The following ARID5B variants were observed in gnomAD, a reference collection of about 807,000 sequenced individuals.
The protein encoded by ARID5B is AT-rich interactive domain-containing protein 5B.
A neutral mutation model predicts 97.2 loss-of-function variants in ARID5B; 13 were observed. That is an observed-to-expected ratio of 0.13 (90% confidence interval 0.09 to 0.21). The LOEUF is 0.21. Among genes scored for constraint, ARID5B ranks in the 10% least tolerant of loss-of-function variants. ARID5B has a pLI of 1.00. For missense variants in ARID5B, 1,210 were observed against 1,465.3 expected, an observed-to-expected ratio of 0.83 and a Z score of 2.84; for synonymous variants, 556 against 570.3, an observed-to-expected ratio of 0.97 and a Z score of 0.36.
intron 8 of ARID5B, among the ~76,000 whole-genome samples, chr10:62,080,849 G>A (rs1840203614): frequency 1.3e-5 from 2 of 151,200 alleles, no homozygotes; most frequent in Non-Finnish European, 2.9e-5. Flanking sequence ...TTGAGACAGA[G>A]TCTCACTCTG....
intron 2 of ARID5B, among the ~76,000 whole-genome samples, chr10:61,936,153 T>C (rs1179629698): frequency 3.3e-5 from 5 of 152,232 alleles, no homozygotes; most frequent in Non-Finnish European, 5.9e-5. Context: ...TCTTGACTTT[T>C]ATTTTTCTGG....
At chr10:62,053,304 C>G (rs561610488) in intron 5 of ARID5B, among the ~76,000 whole-genome samples, 1 of 152,338 alleles carries the variant, frequency 6.6e-6, no homozygotes, top group South Asian at 2.1e-4. Flanking sequence ...CAGCTCCACA[C>G]AGCAAAGCTC....
At position 62,083,852 on chromosome 10, in the gene ARID5B, TG is replaced by T. The variant is rs561457098; in HGVS notation, c.1200-1844del. Among the ~76,000 whole-genome samples, 1,007 of 152,146 alleles carry T rather than the reference TG, an allele frequency of 6.6e-3. 19 individuals carry two copies. The highest frequency in any genetic ancestry group is 0.023 in the African/African-American group (961 of 41,510). On this transcript the variant is annotated intron_variant, in intron 8 of 9. Transcript: ENST00000279873. Reference sequence around the variant, plus strand: ...GCAGAACCAGGCAGAAAAAAGGAATTGGGGGGAATGTTGGGGACTTTACAGA... The same window carrying T: ...GCAGAACCAGGCAGAAAAAAGGAATTGGGGGAATGTTGGGGACTTTACAGA...
rs769457118 is a variant in ARID5B, at chr10:62,094,416, C to A, written c.*1386C>A. On this transcript the variant is annotated 3_prime_UTR_variant, in exon 10 of 10. Transcript: ENST00000279873. ...GGGGATAACTGACATACTGGATTAG[C>A]CTTTTCAAAAGAAAAGTCATCCTAT... The A allele has an allele frequency of 1.3e-5, 3 of 230,374 alleles. No homozygotes were observed. Among genetic ancestry groups the A allele is most frequent in the Admixed American group, 5.7e-5 (1 of 17,666 alleles). 14.3% of individuals were successfully genotyped at this position (230,374 alleles called of 1,614,324 possible). A position where few individuals can be genotyped will look rare whatever the true frequency, so the allele number is the denominator to read the frequency against.
chr10:61,902,942 G>A (rs1176270873), intron 2 of ARID5B, among the ~76,000 whole-genome samples: 1 of 152,096 alleles, frequency 6.6e-6, no homozygotes, highest in African/African-American at 2.4e-5. Flanking sequence ...TGGCAAAGAC[G>A]TGTTGAATAA....
intron 3 of ARID5B, among the ~76,000 whole-genome samples, chr10:61,995,738 C>G (rs748795833): frequency 2.0e-5 from 3 of 152,188 alleles, no homozygotes; most frequent in African/African-American, 4.8e-5. Context: ...TAGCTTCAAC[C>G]TTGGCTTTTC....
chr10:62,013,794 G>GTATATATATATATA (rs60930079), intron 4 of ARID5B, among the ~76,000 whole-genome samples: 55 of 138,950 alleles, frequency 4.0e-4, no homozygotes, highest in African/African-American at 1.2e-3. Context: ...ATTCCATTGG[G>GTATATATATATATA]TATATATATA....
chr10:62,074,101 G>A (rs1840098140), intron 8 of ARID5B, among the ~76,000 whole-genome samples: 1 of 152,158 alleles, frequency 6.6e-6, no homozygotes, highest in Non-Finnish European at 1.5e-5. Flanking sequence ...TCTTTACTCA[G>A]AATGCTAGAT....
At chr10:61,916,166 G>A (rs1308309115) in intron 2 of ARID5B, among the ~76,000 whole-genome samples, 1 of 152,216 alleles carries the variant, frequency 6.6e-6, no homozygotes, top group African/African-American at 2.4e-5. Flanking sequence ...TGATTCTTGT[G>A]CCTCAGCCTG....
chr10:61,916,615 A>G (rs1008896126), intron 2 of ARID5B, among the ~76,000 whole-genome samples: 11 of 152,206 alleles, frequency 7.2e-5, no homozygotes, highest in African/African-American at 2.7e-4. Context: ...CCGGGTTTCC[A>G]AATTCACTCA....
chr10:61,964,140 G>A (rs1390188514), intron 3 of ARID5B, among the ~76,000 whole-genome samples: 1 of 152,072 alleles, frequency 6.6e-6, no homozygotes, highest in African/African-American at 2.4e-5. Flanking sequence ...CAGTCTAAAT[G>A]GACACAAACC....
Position 62,093,264 on chromosome 10 carries a change from G to A in ARID5B, c.*234G>A, listed in dbSNP as rs774730849. 4.0e-6 allele frequency: 2 copies of A among 502,502 alleles called. No homozygotes were observed. The highest frequency in any genetic ancestry group is 6.8e-6 in the Non-Finnish European group (2 of 295,172). 31.1% of individuals were successfully genotyped at this position (502,502 alleles called of 1,614,324 possible). On this transcript the variant is annotated 3_prime_UTR_variant, in exon 10 of 10. Transcript: ENST00000279873. ...ACTCCCTTCCAACACAGATGCCCAG[G>A]CACCTCCAGATCATTCACTTCGCAC... is the stretch of plus-strand genomic sequence containing the variant.
intron 5 of ARID5B, among the ~76,000 whole-genome samples, chr10:62,054,885 C>T (rs529217651): frequency 7.5e-4 from 114 of 152,316 alleles, no homozygotes; most frequent in African/African-American, 2.7e-3. Context: ...CATACATGAC[C>T]TCACTAAGCT....
intron 4 of ARID5B, among the ~76,000 whole-genome samples, chr10:62,046,066 G>A (rs1839704195): frequency 6.6e-6 from 1 of 152,258 alleles, no homozygotes; most frequent in Middle Eastern, 3.4e-3. Context: ...AGAATTTCTC[G>A]AGAGAATATG....
Position 62,091,697 on chromosome 10 carries a change from C to T in ARID5B, c.2234C>T (p.Ala745Val), listed in dbSNP as rs201542647. Reference protein sequence around the residue: ...THHGQSTDHMAVSRPSVIQHV... With the variant: ...THHGQSTDHMVVSRPSVIQHV... ...CATGGCCAAAGCACTGACCATATGG[C>T]GGTCAGCCGGCCATCAGTGATTCAG... Residue 745 changes from alanine to valine, a missense_variant, in exon 10 of 10, where the codon GCG (alanine) becomes GTG (valine). Ala to Val is a moderately conservative substitution (Grantham distance 64, BLOSUM62 0). This residue lies in a region of ARID5B where 800 missense variants were observed against 839.1 expected (regional missense o/e 0.95). Transcript: ENST00000279873. 189 of 1,613,960 alleles carry T rather than the reference C, an allele frequency of 1.2e-4. No individual in the cohort carries two copies. The highest frequency in any genetic ancestry group is 8.3e-5 in the Admixed American group (5 of 60,008).
At position 62,095,274 on chromosome 10, in the gene ARID5B, G is replaced by C. The variant is rs1589297499; in HGVS notation, c.*2244G>C. On this transcript the variant is annotated 3_prime_UTR_variant, in exon 10 of 10. Transcript: ENST00000279873. ...ATAAGAAAGTTGCACTAGATTGAAT[G>C]GTCACAGAATCGGAGGACATGGAAG... 4.3e-6 allele frequency: 1 copy of C among 233,516 alleles called. No individual in the cohort carries two copies. The highest frequency in any genetic ancestry group is 8.5e-6 in the Non-Finnish European group (1 of 118,010). 14.5% of individuals were successfully genotyped at this position (233,516 alleles called of 1,614,324 possible).
At chr10:62,060,223 T>A (rs1273644303) in intron 7 of ARID5B, among the ~76,000 whole-genome samples, 1 of 152,208 alleles carries the variant, frequency 6.6e-6, no homozygotes, top group Non-Finnish European at 1.5e-5. Flanking sequence ...TAATAACCAG[T>A]GCTTCTTGCC....
At chr10:61,918,443 T>A (rs1262403878) in intron 2 of ARID5B, among the ~76,000 whole-genome samples, 1 of 152,202 alleles carries the variant, frequency 6.6e-6, no homozygotes, top group Admixed American at 6.5e-5. Flanking sequence ...AGATGTTGGT[T>A]ATTGACCCTG....
chr10:61,973,980 C>T (rs186316125), intron 3 of ARID5B, among the ~76,000 whole-genome samples: 313 of 152,230 alleles, frequency 2.1e-3, no homozygotes, highest in South Asian at 6.8e-3. Context: ...TGGACTTTTG[C>T]GATGTATATA....
Sources: gnomAD v4.1 joint callset for allele counts (sites outside exome capture counted in the v4.1 genomes callset) on GRCh38, gnomAD v4.1.1 for gene constraint, gnomAD v4.1.1 regional missense constraint, MANE v1.5 for transcripts, NCBI Gene and HGNC (gene_info 2026-07-23, HGNC 2026-07-21) for gene names.